SAMD4A: variants seen among roughly 807,000 people sequenced by gnomAD.
SAMD4A encodes sterile alpha motif domain containing 4A, also known as protein Smaug homolog 1.
Under a neutral mutation model 81.3 loss-of-function variants are expected in SAMD4A, and 33 were observed. That is an observed-to-expected ratio of 0.41 (90% CI 0.31 to 0.54). The LOEUF (loss-of-function observed/expected upper bound fraction) is 0.54, where lower values mean the gene tolerates loss of function less well. Ranked by LOEUF, SAMD4A falls within the 20% of genes least tolerant of loss-of-function variation. SAMD4A has a pLI of 0.37. For synonymous variants in SAMD4A, 389 were observed against 382.1 expected (o/e 1.02, Z -0.21); for missense variants, 854 against 951.1 (o/e 0.90, Z 1.34).
chr14:54,770,389 G>T (rs2038668694), intron 9 of SAMD4A, among the ~76,000 whole-genome samples, 167 bp downstream of exon 9: 1 of 152,230 alleles, frequency 6.6e-6, no homozygotes, highest in South Asian at 2.1e-4. Flanking sequence ...CTGGGAAAAG[G>T]CTGTGAGAGT....
rs1019627739 is a variant in SAMD4A at position 54,753,193 on chromosome 14, C to T, written c.1176+1656C>T. The stretch of plus-strand genomic sequence containing the variant: ...CCTTTACGGGTGTTGGGCTGGGGGA[C>T]GGTCAGGTCTTTCTCATCCCATGAG... On this transcript the variant is annotated intron_variant, in intron 6 of 12. Coordinates refer to ENST00000554335, the MANE Select transcript of SAMD4A (RefSeq NM_015589.6). 7.0e-4 allele frequency among the ~76,000 whole-genome samples: 107 copies of T among 152,330 alleles called. 1 individual carries two copies. Among genetic ancestry groups the T allele is most frequent in the Non-Finnish European group, 2.1e-4 (14 of 68,030 alleles).
chr14:54,762,155 G>A (rs965010694), intron 7 of SAMD4A, among the ~76,000 whole-genome samples: 2 of 152,084 alleles, frequency 1.3e-5, no homozygotes, highest in African/African-American at 4.8e-5. Flanking sequence ...TTCTACCTGG[G>A]CTACCCTCTG....
intron 2 of SAMD4A, among the ~76,000 whole-genome samples, chr14:54,629,843 C>T (rs934240967): frequency 2.6e-5 from 4 of 152,152 alleles, no homozygotes; most frequent in Admixed American, 2.6e-4. Flanking sequence ...CGCCCCATTA[C>T]TTCCTTCCCC....
intron 2 of SAMD4A, among the ~76,000 whole-genome samples, chr14:54,677,848 A>G (rs748650730): frequency 2.6e-5 from 4 of 152,122 alleles, no homozygotes; most frequent in Admixed American, 2.0e-4. Context: ...ATTTTTTTCT[A>G]TTGAATTAGT....
chr14:54,718,877 C>T (rs952601623), intron 3 of SAMD4A, among the ~76,000 whole-genome samples: 1 of 151,972 alleles, frequency 6.6e-6, no homozygotes, highest in Non-Finnish European at 1.5e-5. Flanking sequence ...GTGGCGGGCA[C>T]CTGTAATCCC....
At chr14:54,637,057 C>A (rs1243475735) in intron 2 of SAMD4A, among the ~76,000 whole-genome samples, 1 of 152,050 alleles carries the variant, frequency 6.6e-6, no homozygotes, top group Non-Finnish European at 1.5e-5. Flanking sequence ...AGAACTGAGT[C>A]ATTTCAACAT....
intron 3 of SAMD4A, among the ~76,000 whole-genome samples, chr14:54,715,419 T>C (rs1419859553): frequency 6.6e-6 from 1 of 152,004 alleles, no homozygotes; most frequent in Non-Finnish European, 1.5e-5. Context: ...GAGAGTGAAA[T>C]GTCTAGGAGA....
chr14:54,754,830 T>C, intron 6 of SAMD4A: 1 of 988,102 alleles, frequency 1.0e-6, no homozygotes, highest in Non-Finnish European at 1.2e-6. Context: ...AGCTCTTTTG[T>C]TCAGTTACTG....
At chr14:54,784,248 G>GT in intron 11 of SAMD4A, 1 of 1,003,432 alleles carries the variant, frequency 1.0e-6, no homozygotes, top group South Asian at 1.4e-5. Flanking sequence ...GAGGTTGGCT[G>GT]TTACTTTGAT....
chr14:54,647,391 G>T (rs74557201), intron 2 of SAMD4A, among the ~76,000 whole-genome samples: 2,344 of 152,274 alleles, frequency 0.015, 46 homozygotes, highest in African/African-American at 0.053. Context: ...GCTAGTAAGT[G>T]GCAGAACAGT....
intron 4 of SAMD4A, among the ~76,000 whole-genome samples, chr14:54,745,338 T>C (rs936540938): frequency 6.6e-6 from 1 of 152,184 alleles, no homozygotes; most frequent in African/African-American, 2.4e-5. Flanking sequence ...CATCCACCCA[T>C]GTGTCTGCTC....
chr14:54,678,766 T>C (rs1566580134), intron 2 of SAMD4A, among the ~76,000 whole-genome samples: 1 of 152,082 alleles, frequency 6.6e-6, no homozygotes, highest in Non-Finnish European at 1.5e-5. Context: ...GCCAGGATGG[T>C]CTCGATCTCC....
At chr14:54,757,074 T>C (rs1225592428) in intron 6 of SAMD4A, among the ~76,000 whole-genome samples, 1 of 152,244 alleles carries the variant, frequency 6.6e-6, no homozygotes, top group African/African-American at 2.4e-5. Flanking sequence ...GGAGAATTAA[T>C]TCTTACAGTC....
At chr14:54,748,699 C>CT (rs1002913409) in intron 4 of SAMD4A, 116 bp from the exon 5 acceptor site, 770 of 679,976 alleles carry the variant, frequency 1.1e-3, no homozygotes, top group Non-Finnish European at 1.4e-3. Flanking sequence ...GTTACTTTTT[C>CT]TTTTTTTTTC....
intron 7 of SAMD4A, among the ~76,000 whole-genome samples, chr14:54,764,108 TA>T (rs2038476475): frequency 6.6e-6 from 1 of 152,222 alleles, no homozygotes; most frequent in Non-Finnish European, 1.5e-5. Context: ...GGGTCTTGGA[TA>T]CTTCTGAAGC....
chr14:54,581,072 G>T (rs2033451672), intron 2 of SAMD4A, among the ~76,000 whole-genome samples: 1 of 152,180 alleles, frequency 6.6e-6, no homozygotes, highest in Non-Finnish European at 1.5e-5. Flanking sequence ...TAGGGTCTTG[G>T]TGTCATCACA....
At chr14:54,722,504 C>G (rs7147347) in intron 3 of SAMD4A, among the ~76,000 whole-genome samples, 34,433 of 152,090 alleles carry the variant, frequency 0.23, 4,024 homozygotes, top group Middle Eastern at 0.32. Context: ...TTTTACCCTT[C>G]TTTGTCAAAA....
intron 2 of SAMD4A, among the ~76,000 whole-genome samples, chr14:54,578,271 A>C (rs1313774203): frequency 6.6e-6 from 1 of 152,210 alleles, no homozygotes; most frequent in Admixed American, 6.5e-5. Context: ...GATGACTTCC[A>C]AAGTCCCTTC....
intron 12 of SAMD4A, among the ~76,000 whole-genome samples, chr14:54,788,429 C>G (rs575133303): frequency 6.6e-6 from 1 of 152,178 alleles, no homozygotes; most frequent in African/African-American, 2.4e-5. Context: ...GCTCCACCAC[C>G]GGATGACCTA....
Sources: gnomAD v4.1 joint callset for allele counts (sites outside exome capture counted in the v4.1 genomes callset) on GRCh38, gnomAD v4.1.1 for gene constraint, MANE v1.5 for transcripts, NCBI Gene and HGNC (gene_info 2026-07-23, HGNC 2026-07-21) for gene names.